The following ARIH1 variants were observed in gnomAD, a reference collection of about 807,000 sequenced individuals.
ARIH1 encodes the protein ariadne RBR E3 ubiquitin protein ligase 1.
Under a neutral mutation model 85.0 loss-of-function variants are expected in ARIH1, and 8 were observed. The observed-to-expected ratio is 0.09, with a 90% CI of 0.06 to 0.17. The LOEUF (loss-of-function observed/expected upper bound fraction) is 0.17. Among genes scored for constraint, ARIH1 ranks in the 10% least tolerant of loss-of-function variants. The probability of loss-of-function intolerance (pLI) is 1.00; values close to 1 mark genes in which losing one functional copy is unlikely to be tolerated. For synonymous variants in ARIH1, 238 were observed against 253.6 expected, an observed-to-expected ratio of 0.94 and a Z score of 0.59; for missense variants, 311 against 718.1, an observed-to-expected ratio of 0.43 and a Z score of 6.48.
At chr15:72,503,411 C>CT (rs1378664560) in intron 1 of ARIH1, among the ~76,000 whole-genome samples, 2 of 152,188 alleles carry the variant, frequency 1.3e-5, no homozygotes, top group Non-Finnish European at 2.9e-5. Context: ...CTGATTCAAG[C>CT]TTTCCAATCC....
intron 7 of ARIH1, among the ~76,000 whole-genome samples, chr15:72,565,678 A>G (rs71397254): frequency 3.3e-5 from 5 of 152,230 alleles, no homozygotes; most frequent in African/African-American, 1.2e-4. Context: ...TATAGAGAAT[A>G]CAGCAGTGAA....
At chr15:72,540,864 A>G (rs1447439491) in intron 2 of ARIH1, among the ~76,000 whole-genome samples, 1 of 152,186 alleles carries the variant, frequency 6.6e-6, no homozygotes, top group African/African-American at 2.4e-5. Flanking sequence ...TAACTCCAAT[A>G]TACGCTATTT....
At chr15:72,519,928 CAG>C (rs1306220260) in intron 2 of ARIH1, among the ~76,000 whole-genome samples, 1 of 152,156 alleles carries the variant, frequency 6.6e-6, no homozygotes, top group Non-Finnish European at 1.5e-5. Context: ...CTGATTTACT[CAG>C]AGTTTCTCTC....
intron 3 of ARIH1, among the ~76,000 whole-genome samples, chr15:72,552,311 C>T (rs1029631254): frequency 5.3e-5 from 8 of 152,124 alleles, no homozygotes; most frequent in Non-Finnish European, 7.4e-5. Context: ...TTTTTTAAGA[C>T]GGAGTCTTGC....
intron 1 of ARIH1, among the ~76,000 whole-genome samples, chr15:72,478,991 C>T (rs188694525): frequency 6.6e-6 from 1 of 152,206 alleles, no homozygotes; most frequent in African/African-American, 2.4e-5. Flanking sequence ...GTGTGTGGCA[C>T]CACTCCTAGC....
At chr15:72,563,842 T>C (rs2064207515) in intron 7 of ARIH1, among the ~76,000 whole-genome samples, 1 of 152,218 alleles carries the variant, frequency 6.6e-6, no homozygotes, top group Non-Finnish European at 1.5e-5. Context: ...AATTTTAACC[T>C]TACTTATGCA....
At chr15:72,572,007 G>A (rs2064250077) in intron 10 of ARIH1, 101 bp from the exon 11 acceptor site, 1 of 777,198 alleles carries the variant, frequency 1.3e-6, no homozygotes, top group South Asian at 1.7e-5. Context: ...GATAACGTTG[G>A]TGTTAGATAA....
chr15:72,484,171 C>CA (rs35300595), intron 1 of ARIH1, among the ~76,000 whole-genome samples: 270 of 117,642 alleles, frequency 2.3e-3, no homozygotes, highest in African/African-American at 8.0e-3. Flanking sequence ...GAAACTCCAT[C>CA]AAAAAAAAAA....
At position 72,557,248 on chromosome 15, in the gene ARIH1, T is replaced by C. The variant is rs117495080; in HGVS notation, c.737+1341T>C. Among the ~76,000 whole-genome samples, 85 of 152,268 alleles carry C rather than the reference T, an allele frequency of 5.6e-4. 4 individuals carry two copies. The East Asian group carries it at 0.016, about 29-fold the overall frequency. On this transcript the variant is annotated intron_variant, in intron 5 of 13. Coordinates refer to ENST00000379887, the MANE Select transcript of ARIH1 (RefSeq NM_005744.5). ...TGAGCATTTTTTTGTACCTGTTGGC[T>C]GCGTATATGTCTTCTTGAGAAATGT... is the stretch of plus-strand genomic sequence containing the variant.
intron 11 of ARIH1, among the ~76,000 whole-genome samples, chr15:72,574,362 C>T (rs148270523): frequency 7.2e-5 from 11 of 152,352 alleles, no homozygotes; most frequent in Admixed American, 4.6e-4. Context: ...TTGGGAGCCA[C>T]GCCTCCCTGA....
In ARIH1 at chr15:72,593,837, C is replaced by T. The variant is rs2140446181; in HGVS notation, c.*10545C>T. 6.6e-6 allele frequency: 1 copy of T among 151,120 alleles called. No homozygotes were observed. Among genetic ancestry groups the T allele is most frequent in the East Asian group, 1.9e-4 (1 of 5,142 alleles). The allele number at this position is 151,120 out of a possible 1,614,324, so 9.4% of individuals were successfully genotyped here. On this transcript the variant is annotated 3_prime_UTR_variant, in exon 14 of 14. Coordinates refer to ENST00000379887, the MANE Select transcript of ARIH1 (RefSeq NM_005744.5). The stretch of plus-strand genomic sequence containing the variant: ...CAATTAGCTCATCTTGTTTTTCAAA[C>T]GTAGATGTGCTGGGTTAGCTGTGTT...
At chr15:72,548,174 C>G (rs1012363334) in intron 3 of ARIH1, among the ~76,000 whole-genome samples, 3 of 152,092 alleles carry the variant, frequency 2.0e-5, no homozygotes, top group South Asian at 2.1e-4. Context: ...ATATAAGATA[C>G]GATACTGTGG....
intron 3 of ARIH1, among the ~76,000 whole-genome samples, chr15:72,553,865 C>T (rs2064163317): frequency 6.6e-6 from 1 of 152,016 alleles, no homozygotes; most frequent in South Asian, 2.1e-4. Context: ...TGCAGTGAGC[C>T]GAGATGGTGC....
At position 72,594,811 on chromosome 15, in the gene ARIH1, C is replaced by CTTTTTTTTTTTTTTTTTTTT. The variant is rs71137306; in HGVS notation, c.*11527_*11546dup. 2.8e-4 allele frequency: 22 copies of CTTTTTTTTTTTTTTTTTTTT among 79,624 alleles called. 4 individuals carry two copies. Among genetic ancestry groups the CTTTTTTTTTTTTTTTTTTTT allele is most frequent in the African/African-American group, 1.2e-3 (19 of 16,424 alleles). 4.9% of individuals were successfully genotyped at this position (79,624 alleles called of 1,614,324 possible). A position where few individuals can be genotyped will look rare whatever the true frequency, so the allele number is the denominator to read the frequency against. On this transcript the variant is annotated 3_prime_UTR_variant, in exon 14 of 14. Transcript: ENST00000379887. ...TTTTTCTGATTTTATGCCTTTTCTT[C>CTTTTTTTTTTTTTTTTTTTT]TTTTTTTTTTTTTTTTTTTTTTTTT...
intron 1 of ARIH1, among the ~76,000 whole-genome samples, chr15:72,484,642 T>C (rs1466765726): frequency 1.3e-5 from 2 of 151,414 alleles, no homozygotes; most frequent in African/African-American, 2.4e-5. Flanking sequence ...TATATATATA[T>C]ATATGTGTAT....
chr15:72,481,396 A>G (rs189475905), intron 1 of ARIH1, among the ~76,000 whole-genome samples: 55 of 152,296 alleles, frequency 3.6e-4, no homozygotes, highest in African/African-American at 1.3e-3. Context: ...TTAATGAGGG[A>G]AGATAAATTG....
rs569775474 is a variant in ARIH1 at position 72,519,489 on chromosome 15, T to G, written c.443+1355T>G. On this transcript the variant is annotated intron_variant, in intron 2 of 13. Coordinates refer to ENST00000379887, the MANE Select transcript of ARIH1 (RefSeq NM_005744.5). ...ATGTTTTTTTTGTTTTTTTTTTTTT[T>G]TTTTTTTTTTTGAGACGGAGTTTCG... is the stretch of plus-strand genomic sequence containing the variant. Among the ~76,000 whole-genome samples, 169 of 134,584 alleles carry G rather than the reference T, an allele frequency of 1.3e-3. No individual in the cohort carries two copies. The East Asian group carries it at 0.021, about 17-fold the overall frequency. The allele number at this position is 134,584 out of a possible 152,430, so 88.3% of individuals were successfully genotyped here.
intron 3 of ARIH1, 97 bp from the exon 4 acceptor site, chr15:72,555,174 G>C: frequency 2.4e-6 from 2 of 844,486 alleles, no homozygotes; most frequent in Non-Finnish European, 3.8e-6. Context: ...TTTTAGCCAC[G>C]TAAGAAATGT....
chr15:72,523,386 C>T (rs61571201), intron 2 of ARIH1, among the ~76,000 whole-genome samples: 1 of 152,228 alleles, frequency 6.6e-6, no homozygotes, highest in Non-Finnish European at 1.5e-5. Flanking sequence ...ATAAGCCAAT[C>T]TGCAATGGCT....
Sources: gnomAD v4.1 joint callset for allele counts (sites outside exome capture counted in the v4.1 genomes callset) on GRCh38, gnomAD v4.1.1 for gene constraint, MANE v1.5 for transcripts, NCBI Gene and HGNC (gene_info 2026-07-23, HGNC 2026-07-21) for gene names.